The following RGS7 variants were observed in gnomAD, a reference collection of about 807,000 sequenced individuals.
RGS7 encodes regulator of G-protein signaling 7.
RGS7 carries 27 observed loss-of-function variants against 81.1 expected under a neutral mutation model. The ratio of observed to expected loss-of-function variants is 0.33; its 90% CI spans 0.25 to 0.46. The LOEUF is 0.46. Ranked by LOEUF, RGS7 falls within the 20% of genes least tolerant of loss-of-function variation. RGS7 has a pLI of 1.00. For synonymous variants in RGS7, 208 were observed against 207.7 expected (o/e 1.00, Z -0.01); for missense variants, 396 against 607.4 (o/e 0.65, Z 3.66).
intron 10 of RGS7, chr1:240,822,992 T>C (rs10926365): frequency 0.58 from 289,470 of 502,282 alleles, 84,532 homozygotes; most frequent in Non-Finnish European, 0.59. Context: ...CATCATTTTG[T>C]TTTTAGAAAC....
intron 6 of RGS7, among the ~76,000 whole-genome samples, chr1:240,879,568 C>G (rs1323970050): frequency 6.6e-6 from 1 of 152,150 alleles, no homozygotes; most frequent in Non-Finnish European, 1.5e-5. Flanking sequence ...TTGTTTTCTA[C>G]CTTTTGTTAG....
chr1:240,942,733 A>C (rs1421322216), intron 4 of RGS7, among the ~76,000 whole-genome samples: 1 of 152,234 alleles, frequency 6.6e-6, no homozygotes, highest in Non-Finnish European at 1.5e-5. Flanking sequence ...TCTGAGCCAT[A>C]AAAAGAAGAT....
At chr1:241,086,048 C>T (rs960458545) in intron 3 of RGS7, among the ~76,000 whole-genome samples, 1 of 152,178 alleles carries the variant, frequency 6.6e-6, no homozygotes, top group African/African-American at 2.4e-5. Flanking sequence ...GTTTCTGTTC[C>T]ATAGAGGCCC....
At chr1:241,233,761 G>A (rs937820671) in intron 2 of RGS7, among the ~76,000 whole-genome samples, 9 of 151,326 alleles carry the variant, frequency 5.9e-5, no homozygotes, top group African/African-American at 2.2e-4. Context: ...CTTAGTAGTG[G>A]GATTGCTGGA....
At chr1:240,980,205 G>C (rs1684715225) in intron 4 of RGS7, among the ~76,000 whole-genome samples, 1 of 152,130 alleles carries the variant, frequency 6.6e-6, no homozygotes, top group Non-Finnish European at 1.5e-5. Context: ...ATAGAAATGA[G>C]TTATTAAGTG....
intron 2 of RGS7, among the ~76,000 whole-genome samples, chr1:241,295,242 T>A (rs370371654): frequency 1.7e-4 from 26 of 149,034 alleles, no homozygotes; most frequent in African/African-American, 3.0e-4. Flanking sequence ...AGGTCAGGAG[T>A]TCAAGACCAG....
intron 2 of RGS7, among the ~76,000 whole-genome samples, chr1:241,288,636 C>T (rs1000669662): frequency 2.6e-5 from 4 of 152,138 alleles, no homozygotes; most frequent in Non-Finnish European, 4.4e-5. Flanking sequence ...GGTTATCTGT[C>T]TGGAAGCAAA....
At chr1:240,881,394 A>T (rs1376483692) in intron 6 of RGS7, among the ~76,000 whole-genome samples, 1 of 152,164 alleles carries the variant, frequency 6.6e-6, no homozygotes, top group Non-Finnish European at 1.5e-5. Flanking sequence ...AGAAATACCT[A>T]ATGTAAATGA....
At chr1:241,207,780 C>T (rs142985511) in intron 2 of RGS7, among the ~76,000 whole-genome samples, 11 of 152,234 alleles carry the variant, frequency 7.2e-5, no homozygotes, top group African/African-American at 2.4e-4. Flanking sequence ...AAACTACCTT[C>T]GAATGAAACA....
chr1:240,859,189 A>C (rs1377247783), intron 9 of RGS7, among the ~76,000 whole-genome samples: 1 of 152,082 alleles, frequency 6.6e-6, no homozygotes, highest in Non-Finnish European at 1.5e-5. Flanking sequence ...TTTTTGAGAC[A>C]GGGTCTTGCT....
At chr1:241,352,848 C>T (rs1371046023) in intron 2 of RGS7, among the ~76,000 whole-genome samples, 2 of 152,192 alleles carry the variant, frequency 1.3e-5, no homozygotes, top group African/African-American at 2.4e-5. Context: ...TTTACACATC[C>T]CAGCTTTTCT....
At chr1:241,105,590 G>C (rs2065044045) in intron 2 of RGS7, among the ~76,000 whole-genome samples, 1 of 152,170 alleles carries the variant, frequency 6.6e-6, no homozygotes. Flanking sequence ...TCACTGCCTT[G>C]AAACCTTTCC....
chr1:241,349,251 C>T (rs1295498173), intron 2 of RGS7, among the ~76,000 whole-genome samples: 2 of 152,216 alleles, frequency 1.3e-5, no homozygotes, highest in African/African-American at 2.4e-5. Context: ...AAAACCAAGA[C>T]TTCCCAATTC....
intron 3 of RGS7, among the ~76,000 whole-genome samples, chr1:241,027,726 G>A (rs10926395): frequency 0.19 from 28,930 of 152,022 alleles, 3,678 homozygotes; most frequent in African/African-American, 0.36. Flanking sequence ...AGGAGGAGCC[G>A]GCAGTTGAGA....
intron 4 of RGS7, among the ~76,000 whole-genome samples, chr1:240,947,796 A>G (rs1572909850): frequency 6.6e-6 from 1 of 152,224 alleles, no homozygotes; most frequent in Admixed American, 6.5e-5. Flanking sequence ...CAGGATCGAA[A>G]TAAAATTCCT....
At chr1:241,230,389 T>G (rs569525865) in intron 2 of RGS7, among the ~76,000 whole-genome samples, 1 of 152,232 alleles carries the variant, frequency 6.6e-6, no homozygotes, top group Admixed American at 6.5e-5. Flanking sequence ...AATTTTTGTA[T>G]TTTTAGTAGA....
chr1:240,973,414 G>T (rs1683558818), intron 4 of RGS7, among the ~76,000 whole-genome samples: 1 of 151,542 alleles, frequency 6.6e-6, no homozygotes, highest in African/African-American at 2.4e-5. Context: ...GGAGGCTGAG[G>T]CAGGAGAATC....
At chr1:240,869,595 G>T (rs1265294213) in intron 7 of RGS7, among the ~76,000 whole-genome samples, 2 of 152,140 alleles carry the variant, frequency 1.3e-5, no homozygotes, top group Non-Finnish European at 2.9e-5. Context: ...AAGCAAACAG[G>T]GATTCATGCA....
At chr1:241,077,954 T>C (rs903618201) in intron 3 of RGS7, among the ~76,000 whole-genome samples, 13 of 152,116 alleles carry the variant, frequency 8.5e-5, no homozygotes, top group African/African-American at 3.1e-4. Flanking sequence ...TGACGTCACA[T>C]GATGCTGAAT....
Sources: gnomAD v4.1 joint callset for allele counts (sites outside exome capture counted in the v4.1 genomes callset) on GRCh38, gnomAD v4.1.1 for gene constraint, MANE v1.5 for transcripts, NCBI Gene and HGNC (gene_info 2026-07-23, HGNC 2026-07-21) for gene names.